Variants in PPFIBP2 observed in about 807,000 individuals in gnomAD.
PPFIBP2 encodes PPFIB scaffold protein 2, also known as liprin-beta-2.
A neutral mutation model predicts 118.3 loss-of-function variants in PPFIBP2; 118 were observed. That is an observed-to-expected ratio of 1.00 (90% CI 0.86 to 1.16). The LOEUF is 1.16. Among genes scored for constraint, PPFIBP2 ranks in the 50% most tolerant of loss-of-function variants. PPFIBP2 has a pLI of 0.00. For missense variants in PPFIBP2, 1,195 were observed against 1,073.1 expected (o/e 1.11, Z -1.59); for synonymous variants, 414 against 397.4 (o/e 1.04, Z -0.50).
chr11:7,655,166 T>A (rs576521403), downstream of PPFIBP2, among the ~76,000 whole-genome samples: 1 of 152,292 alleles, frequency 6.6e-6, no homozygotes, highest in East Asian at 1.9e-4. Context: ...GTGTCTTGCC[T>A]CTGTGTACCC....
chr11:7,603,918 C>A (rs991960896), intron 5 of PPFIBP2, among the ~76,000 whole-genome samples: 2 of 152,180 alleles, frequency 1.3e-5, no homozygotes, highest in Non-Finnish European at 2.9e-5. Context: ...GGAGCAGAAG[C>A]AGAATGATGC....
chr11:7,536,115 A>G (rs938206969), intron 1 of PPFIBP2, among the ~76,000 whole-genome samples: 2 of 152,228 alleles, frequency 1.3e-5, no homozygotes, highest in African/African-American at 4.8e-5. Context: ...CTCATCTTAA[A>G]GATGAGAAAC....
At chr11:7,660,076 C>G (rs1400138131), downstream of PPFIBP2, among the ~76,000 whole-genome samples, 6 of 123,770 alleles carry the variant, frequency 4.8e-5, 2 homozygotes, top group South Asian at 2.9e-4. Flanking sequence ...TCTAGATATA[C>G]AATCATGTCA....
chr11:7,562,289 G>A (rs1315958921), intron 2 of PPFIBP2, among the ~76,000 whole-genome samples: 1 of 152,232 alleles, frequency 6.6e-6, no homozygotes, highest in East Asian at 1.9e-4. Context: ...ATGGCCATTG[G>A]TAGAAGGGCT....
intron 8 of PPFIBP2, among the ~76,000 whole-genome samples, chr11:7,627,176 G>T (rs1435111360): frequency 6.6e-6 from 1 of 152,170 alleles, no homozygotes; most frequent in African/African-American, 2.4e-5. Flanking sequence ...TTCTAGAGCT[G>T]GTCCTTGGGT....
At position 7,549,459 on chromosome 11, in the gene PPFIBP2, G is replaced by A. The variant is rs1462961484; in HGVS notation, c.-17G>A. 14 of 1,555,938 alleles carry A rather than the reference G, an allele frequency of 9.0e-6. No individual in the cohort carries two copies. Among genetic ancestry groups the A allele is most frequent in the Non-Finnish European group, 1.2e-5 (14 of 1,149,356 alleles). ...TTTCAGTAAGAAGAGGAGGAGGCCA[G>A]GCAGGCAAAAGGAGTCATGGCTTCT... is the stretch of plus-strand genomic sequence containing the variant. On this transcript the variant is annotated 5_prime_UTR_variant, in exon 2 of 24. Coordinates refer to ENST00000299492, the MANE Select transcript of PPFIBP2 (RefSeq NM_003621.5).
At chr11:7,543,100 T>G (rs528754620) in intron 1 of PPFIBP2, among the ~76,000 whole-genome samples, 1 of 152,378 alleles carries the variant, frequency 6.6e-6, no homozygotes, top group East Asian at 1.9e-4. Flanking sequence ...ATTGAGAATT[T>G]AGCGCTGCCA....
intron 1 of PPFIBP2, among the ~76,000 whole-genome samples, chr11:7,540,423 A>C (rs1455295798): frequency 6.6e-6 from 1 of 152,152 alleles, no homozygotes; most frequent in Non-Finnish European, 1.5e-5. Context: ...GGAAGGTCCA[A>C]GGCTGACTCC....
chr11:7,565,601 T>A lies in PPFIBP2; in HGVS notation c.113T>A (p.Leu38Gln). 4 of 1,614,248 alleles carry A rather than the reference T, an allele frequency of 2.5e-6. No homozygotes were observed. The highest frequency in any genetic ancestry group is 3.4e-6 in the Non-Finnish European group (4 of 1,180,034). Residue 38 changes from leucine to glutamine, a missense_variant, in exon 3 of 24, where the codon CTG becomes CAG. Coordinates refer to ENST00000299492, the MANE Select transcript of PPFIBP2 (RefSeq NM_003621.5). ...AGTGATGGTACTTGTGAGCCTGGAC[T>A]GGCTTCCCCGGCCTCCTACATGAAC... is the stretch of plus-strand genomic sequence containing the variant. ...DLSDGTCEPG[L>Q]ASPASYMNPF...
chr11:7,662,687 G>T, the PPFIBP2 span, among the ~76,000 whole-genome samples: 28 of 147,680 alleles, frequency 1.9e-4, no homozygotes, highest in South Asian at 2.3e-4. Flanking sequence ...GAATCTGAAC[G>T]TTGGCCTGCC....
the PPFIBP2 span, chr11:7,665,800 G>T: frequency 2.7e-6 from 4 of 1,502,896 alleles, no homozygotes; most frequent in Admixed American, 4.0e-5. Flanking sequence ...CAGCATTGAC[G>T]AGGAAGGAGA....
At chr11:7,627,907 A>G (rs567384664) in intron 8 of PPFIBP2, among the ~76,000 whole-genome samples, 4 of 152,156 alleles carry the variant, frequency 2.6e-5, no homozygotes, top group Non-Finnish European at 5.9e-5. Flanking sequence ...GTCAGACTGT[A>G]TGATTTTCTT....
intron 3 of PPFIBP2, among the ~76,000 whole-genome samples, chr11:7,578,130 T>C (rs771444760): frequency 1.3e-5 from 2 of 152,246 alleles, no homozygotes; most frequent in South Asian, 4.1e-4. Flanking sequence ...GAGTTCTCTT[T>C]GAATGCTCTG....
At chr11:7,516,498 A>G (rs1412243436) in intron 1 of PPFIBP2, among the ~76,000 whole-genome samples, 2 of 152,134 alleles carry the variant, frequency 1.3e-5, no homozygotes, top group African/African-American at 2.4e-5. Context: ...GGTAAAGTTT[A>G]TGAAAGGTTC....
At chr11:7,555,577 T>G (rs11041446) in intron 2 of PPFIBP2, among the ~76,000 whole-genome samples, 16,562 of 152,208 alleles carry the variant, frequency 0.11, 924 homozygotes, top group South Asian at 0.2. Context: ...ACTCGCTGTT[T>G]CCCATTGCAG....
chr11:7,572,919 G>A (rs1315304172), intron 3 of PPFIBP2, among the ~76,000 whole-genome samples: 2 of 152,138 alleles, frequency 1.3e-5, no homozygotes, highest in African/African-American at 4.8e-5. Context: ...AGCTGGGATT[G>A]CAGTTGTGCA....
chr11:7,619,570 C>T (rs1035109822), intron 6 of PPFIBP2, among the ~76,000 whole-genome samples: 1 of 152,150 alleles, frequency 6.6e-6, no homozygotes, highest in South Asian at 2.1e-4. Flanking sequence ...TTGAGAGGAG[C>T]AAGACAACAG....
intron 5 of PPFIBP2, among the ~76,000 whole-genome samples, chr11:7,607,700 C>T (rs74051554): frequency 0.012 from 1,797 of 151,834 alleles, 36 homozygotes; most frequent in African/African-American, 0.041. Flanking sequence ...TTCTTGTGGA[C>T]CTTGACCTGT....
At chr11:7,649,780 T>C (rs1853696126) in intron 21 of PPFIBP2, 126 bp downstream of exon 21, 1 of 1,384,578 alleles carries the variant, frequency 7.2e-7, no homozygotes, top group Admixed American at 2.1e-5. Context: ...GGGATTCTTT[T>C]GTTTGCTTGT....
Sources: allele counts gnomAD v4.1 joint callset (sites outside exome capture counted in the v4.1 genomes callset), GRCh38; gene constraint gnomAD v4.1.1; transcripts MANE v1.5; gene names NCBI Gene and HGNC (gene_info 2026-07-23, HGNC 2026-07-21).